Variants in TBXAS1 observed in about 807,000 individuals in gnomAD.
The protein encoded by TBXAS1 is thromboxane-A synthase.
In TBXAS1, 48 loss-of-function variants were observed where a neutral mutation model predicts 60.7. The observed-to-expected ratio is 0.79, with a 90% confidence interval of 0.63 to 1.01. The LOEUF is 1.01. Ranked by LOEUF, TBXAS1 falls within the 50% of genes least tolerant of loss-of-function variation. TBXAS1 has a pLI of 0.00. For missense variants in TBXAS1, 685 were observed against 686.3 expected (o/e 1.00, Z 0.02); for synonymous variants, 287 against 269.7 (o/e 1.06, Z -0.63).
chr7:139,850,404 T>G (rs1800136912), intron 1 of TBXAS1, among the ~76,000 whole-genome samples: 1 of 152,180 alleles, frequency 6.6e-6, no homozygotes, highest in Non-Finnish European at 1.5e-5. Flanking sequence ...TTTGAATTAG[T>G]GTCTTCTTTC....
intron 1 of TBXAS1, among the ~76,000 whole-genome samples, chr7:139,847,085 G>A (rs1013799645): frequency 6.6e-6 from 1 of 152,114 alleles, no homozygotes; most frequent in Non-Finnish European, 1.5e-5. Context: ...TCCATTGATG[G>A]CATCTGTTTA....
At chr7:139,819,781 G>A (rs1342634843) in intron 4 of TBXAS1, among the ~76,000 whole-genome samples, 1 of 152,010 alleles carries the variant, frequency 6.6e-6, no homozygotes, top group African/African-American at 2.4e-5. Flanking sequence ...GGAATTGCAG[G>A]TATGAGCCAC....
chr7:139,884,546 G>A (rs991298013), intron 3 of TBXAS1, among the ~76,000 whole-genome samples: 66 of 152,230 alleles, frequency 4.3e-4, no homozygotes, highest in African/African-American at 1.4e-3. Context: ...TGACCAGGCT[G>A]TGGGTACCGA....
chr7:139,801,581 T>TA (rs1797725407), intron 4 of TBXAS1, among the ~76,000 whole-genome samples: 1 of 151,992 alleles, frequency 6.6e-6, no homozygotes, highest in African/African-American at 2.4e-5. Flanking sequence ...ACAATCCTTC[T>TA]ACCTCAGCCT....
chr7:139,949,789 G>A (rs1809047043), intron 5 of TBXAS1, among the ~76,000 whole-genome samples: 1 of 152,152 alleles, frequency 6.6e-6, no homozygotes. Context: ...GTCTTCCCCA[G>A]CTGACTCATC....
chr7:139,821,242 G>A lies in TBXAS1; in HGVS notation c.-79-8070G>A, dbSNP rs146418939. 2.4e-3 allele frequency among the ~76,000 whole-genome samples: 360 copies of A among 152,290 alleles called. 2 individuals are homozygous for A. The highest frequency in any genetic ancestry group is 8.2e-3 in the African/African-American group (340 of 41,568). ...GGGATGAGGTTAATGGAGAAAGGAG[G>A]CTGCGGCAATGAGTCTAGCTTTAGA... On this transcript the variant is annotated intron_variant, in intron 4 of 16. Coordinates refer to the TBXAS1 transcript ENST00000336425.
At chr7:139,930,773 A>G (rs1807257202) in intron 4 of TBXAS1, among the ~76,000 whole-genome samples, 1 of 152,188 alleles carries the variant, frequency 6.6e-6, no homozygotes, top group Non-Finnish European at 1.5e-5. Context: ...GAAAGATCCC[A>G]CTGACTACAG....
At chr7:139,909,476 GCAAA>G (rs566821064) in intron 3 of TBXAS1, among the ~76,000 whole-genome samples, 4 of 151,998 alleles carry the variant, frequency 2.6e-5, no homozygotes, top group South Asian at 2.1e-4. Flanking sequence ...ATCAGTAAAA[GCAAA>G]CAAACAAACA....
Position 139,875,654 on chromosome 7 carries a change from A to G in TBXAS1, c.236+17A>G. The G allele has an allele frequency of 6.2e-7, 1 of 1,604,932 alleles. No homozygotes were observed. Among genetic ancestry groups the G allele is most frequent in the South Asian group, 1.1e-5 (1 of 91,080 alleles). ...TCTGTGTGGGTAAGAAGGAAACTCAACGTTTCTATTATGTACGATATTTTC... is the reference window on the plus strand; with the variant it reads ...TCTGTGTGGGTAAGAAGGAAACTCAGCGTTTCTATTATGTACGATATTTTC... On this transcript the variant is annotated intron_variant, in intron 3 of 12. Coordinates refer to ENST00000448866, the MANE Select transcript of TBXAS1 (RefSeq NM_001061.7).
intron 4 of TBXAS1, among the ~76,000 whole-genome samples, chr7:139,926,507 C>G (rs965529343): frequency 1.3e-5 from 2 of 152,054 alleles, no homozygotes; most frequent in Non-Finnish European, 2.9e-5. Context: ...ATTTTATTTA[C>G]TTGAGCCTTC....
In TBXAS1 at chr7:140,007,264, T is replaced by G. The variant is rs1289948146; in HGVS notation, c.1226+82T>G. ...CCCAGCCTGCAGGTCAGGGCCCTCC[T>G]CCATCAGTTACCACTTGTGTTTCTG... On this transcript the variant is annotated intron_variant, in intron 10 of 12. Coordinates refer to ENST00000448866, the MANE Select transcript of TBXAS1 (RefSeq NM_001061.7). The G allele has an allele frequency of 1.6e-6, 2 of 1,250,210 alleles. 1 individual carries two copies. Among genetic ancestry groups the G allele is most frequent in the South Asian group, 2.4e-5 (2 of 83,122 alleles). The allele number at this position is 1,250,210 out of a possible 1,614,324, so 77.4% of individuals were successfully genotyped here.
At chr7:139,980,988 T>A (rs1307624655) in intron 9 of TBXAS1, among the ~76,000 whole-genome samples, 2 of 152,116 alleles carry the variant, frequency 1.3e-5, no homozygotes, top group African/African-American at 2.4e-5. Context: ...GGTAGTATAT[T>A]TTTTTCCCTT....
chr7:139,944,122 G>A (rs1460491212), intron 5 of TBXAS1, among the ~76,000 whole-genome samples: 1 of 152,310 alleles, frequency 6.6e-6, no homozygotes, highest in East Asian at 1.9e-4. Flanking sequence ...ATTACCAATC[G>A]TGGAAGGTGG....
chr7:139,781,479 C>G (rs939307850), intron 2 of TBXAS1, among the ~76,000 whole-genome samples: 3 of 152,124 alleles, frequency 2.0e-5, no homozygotes, highest in Non-Finnish European at 4.4e-5. Flanking sequence ...CGGGGGATTC[C>G]TCAACATCCC....
At chr7:139,835,319 C>T (rs140591085) in intron 1 of TBXAS1, among the ~76,000 whole-genome samples, 4 of 152,224 alleles carry the variant, frequency 2.6e-5, no homozygotes, top group South Asian at 2.1e-4. Context: ...CCACCCACCT[C>T]GGCCTCCCAA....
At chr7:139,899,569 G>C (rs1231829848) in intron 3 of TBXAS1, among the ~76,000 whole-genome samples, 1 of 152,196 alleles carries the variant, frequency 6.6e-6, no homozygotes, top group Non-Finnish European at 1.5e-5. Flanking sequence ...CTTCAACCAG[G>C]TGCTTTGGAG....
chr7:139,816,943 G>T (rs1798163752), intron 4 of TBXAS1, among the ~76,000 whole-genome samples: 1 of 152,142 alleles, frequency 6.6e-6, no homozygotes, highest in Non-Finnish European at 1.5e-5. Context: ...GTAGACAAGA[G>T]AATTTTCCAG....
Position 139,975,521 on chromosome 7 carries a change from G to C in TBXAS1, c.1134+13288G>C, listed in dbSNP as rs1811501491. 6.6e-6 allele frequency among the ~76,000 whole-genome samples: 1 copy of C among 152,088 alleles called. No homozygotes were observed. The highest frequency in any genetic ancestry group is 6.5e-5 in the Admixed American group (1 of 15,274). On this transcript the variant is annotated intron_variant, in intron 9 of 12. Transcript: ENST00000448866. This position sits in a 1 kb window ranked among gnomAD's most constrained non-coding sequence, Gnocchi z 4.4. ...GGCATTTCTATAAAGGGGATTTCAG[G>C]GCTGCCTGCTGGGGAGGGAGGCTTG...
At chr7:139,952,017 A>AAAGG (rs1569518461) in intron 5 of TBXAS1, among the ~76,000 whole-genome samples, 5 of 150,096 alleles carry the variant, frequency 3.3e-5, no homozygotes, top group East Asian at 1.9e-4. Flanking sequence ...AAAGAAAAAG[A>AAAGG]AAGGAAGGAA....
Sources: gnomAD v4.1 joint callset for allele counts (sites outside exome capture counted in the v4.1 genomes callset) on GRCh38, gnomAD v4.1.1 for gene constraint, Gnocchi (gnomAD v3.1) non-coding constraint, MANE v1.5 for transcripts, NCBI Gene and HGNC (gene_info 2026-07-23, HGNC 2026-07-21) for gene names.